The following CMSS1 variants were observed in gnomAD, a reference collection of about 807,000 sequenced individuals.
CMSS1 encodes cms1 ribosomal small subunit homolog.
CMSS1 carries 33 observed loss-of-function variants against 43.5 expected under a neutral mutation model. The ratio of observed to expected loss-of-function variants is 0.76; its 90% confidence interval spans 0.57 to 1.01. CMSS1 has a LOEUF of 1.01. CMSS1 is among the 50% of genes least tolerant of loss of function. CMSS1 has a pLI of 0.00. For missense variants in CMSS1, 313 were observed against 326.4 expected, an observed-to-expected ratio of 0.96 and a Z score of 0.32; for synonymous variants, 115 against 117.2, an observed-to-expected ratio of 0.98 and a Z score of 0.12.
intron 1 of CMSS1, among the ~76,000 whole-genome samples, chr3:100,002,784 C>T (rs1709880513): frequency 6.6e-6 from 1 of 152,174 alleles, no homozygotes; most frequent in African/African-American, 2.4e-5. Flanking sequence ...GACCAGGTGG[C>T]TTGATCTCTA....
At chr3:99,870,459 A>G (rs1453237309) in intron 1 of CMSS1, among the ~76,000 whole-genome samples, 1 of 152,180 alleles carries the variant, frequency 6.6e-6, no homozygotes, top group African/African-American at 2.4e-5. Context: ...TTGCATTACC[A>G]GTCAATTAAA....
chr3:99,871,667 C>T (rs1370413452), intron 1 of CMSS1, among the ~76,000 whole-genome samples: 2 of 152,132 alleles, frequency 1.3e-5, no homozygotes, highest in Non-Finnish European at 2.9e-5. Flanking sequence ...AGGGATCCTG[C>T]TAGCTGCGGA....
At chr3:99,881,391 A>C (rs573331760) in intron 1 of CMSS1, among the ~76,000 whole-genome samples, 21 of 152,182 alleles carry the variant, frequency 1.4e-4, no homozygotes, top group Admixed American at 1.2e-3. Flanking sequence ...GTGAAAAAAA[A>C]CCCCCAAATC....
At chr3:100,172,088 C>T (rs1346323594) in intron 7 of CMSS1, 189 bp downstream of exon 7, 10 of 631,308 alleles carry the variant, frequency 1.6e-5, no homozygotes, top group Admixed American at 2.9e-5. Flanking sequence ...GCAGTCGCTA[C>T]TGCCATGCTC....
intron 1 of CMSS1, among the ~76,000 whole-genome samples, chr3:100,021,388 A>G (rs1440605596): frequency 2.6e-5 from 4 of 152,112 alleles, no homozygotes; most frequent in Non-Finnish European, 5.9e-5. Flanking sequence ...CAGCATTTTT[A>G]TTTCAAGAAA....
intron 1 of CMSS1, among the ~76,000 whole-genome samples, chr3:99,907,038 A>T (rs1706640156): frequency 6.6e-6 from 1 of 152,228 alleles, no homozygotes; most frequent in South Asian, 2.1e-4. Context: ...TTGAATAATT[A>T]GAGTATATTT....
chr3:100,160,439 T>C lies in CMSS1; in HGVS notation c.163T>C (p.Cys55Arg), dbSNP rs894121566. Residue 55 changes from cysteine to arginine, a missense_variant, in exon 3 of 10, where the codon TGT becomes CGT. Cys to Arg is a radical substitution (Grantham distance 180, BLOSUM62 -3). Transcript: ENST00000421999. The part of the protein sequence containing the change: ...PSEKTKQPKE[C>R]FLIQPKERKE... ...TTGTATTTCTTAATAGCCTAAAGAA[T>C]GTTTTTTGATACAACCAAAGGAAAG... is the stretch of plus-strand genomic sequence containing the variant. 1.9e-5 allele frequency: 28 copies of C among 1,484,528 alleles called. No individual in the cohort carries two copies. Among genetic ancestry groups the C allele is most frequent in the Non-Finnish European group, 2.6e-5 (28 of 1,067,068 alleles). 92.0% of individuals were successfully genotyped at this position (1,484,528 alleles called of 1,614,324 possible). A position where few individuals can be genotyped will look rare whatever the true frequency, so the allele number is the denominator to read the frequency against.
intron 1 of CMSS1, among the ~76,000 whole-genome samples, chr3:99,979,413 T>C (rs1256161888): frequency 1.3e-5 from 2 of 152,000 alleles, no homozygotes; most frequent in Non-Finnish European, 2.9e-5. Flanking sequence ...AAAGATGTTA[T>C]ATCATGTCCA....
intron 2 of CMSS1, among the ~76,000 whole-genome samples, chr3:100,153,108 A>G (rs1559773662): frequency 6.6e-6 from 1 of 152,234 alleles, no homozygotes; most frequent in African/African-American, 2.4e-5. Context: ...ATTTTGACAA[A>G]TAAATACAAC....
chr3:99,983,482 A>ATG lies in CMSS1; in HGVS notation c.65-163490_65-163489insGT, dbSNP rs1709226461. 7.9e-4 allele frequency among the ~76,000 whole-genome samples: 17 copies of ATG among 21,584 alleles called. 2 individuals carry two copies. The highest frequency in any genetic ancestry group is 4.4e-3 in the East Asian group (1 of 228). The allele number at this position is 21,584 out of a possible 152,430, so 14.2% of individuals were successfully genotyped here. On this transcript the variant is annotated intron_variant, in intron 1 of 9. Coordinates refer to ENST00000421999, the MANE Select transcript of CMSS1 (RefSeq NM_032359.4). The stretch of plus-strand genomic sequence containing the variant: ...TATGTGTGTATATATATATATATAT[A>ATG]TATATATATATATATATATATATAT...
chr3:99,949,593 A>G (rs1708116688), intron 1 of CMSS1, among the ~76,000 whole-genome samples: 1 of 152,212 alleles, frequency 6.6e-6, no homozygotes, highest in Non-Finnish European at 1.5e-5. Context: ...GGGCACTAAC[A>G]TGGCTGTATT....
chr3:100,159,506 A>C (rs182143630), intron 2 of CMSS1, among the ~76,000 whole-genome samples: 3 of 152,338 alleles, frequency 2.0e-5, no homozygotes, highest in South Asian at 2.1e-4. Flanking sequence ...TTAGTAGCTT[A>C]TCAGTTTAAA....
intron 1 of CMSS1, among the ~76,000 whole-genome samples, chr3:100,059,541 A>G (rs140166778): frequency 4.6e-5 from 7 of 152,156 alleles, no homozygotes; most frequent in Admixed American, 1.3e-4. Context: ...CAAAGTTTCT[A>G]TCCTCCAAGG....
At chr3:100,165,249 C>T (rs1223369921) in intron 4 of CMSS1, among the ~76,000 whole-genome samples, 1 of 152,152 alleles carries the variant, frequency 6.6e-6, no homozygotes, top group Non-Finnish European at 1.5e-5. Flanking sequence ...TTGAATTACT[C>T]ACTTAATGAG....
chr3:99,873,451 T>A (rs566053057), intron 1 of CMSS1, among the ~76,000 whole-genome samples: 66 of 152,336 alleles, frequency 4.3e-4, no homozygotes, highest in African/African-American at 1.5e-3. Flanking sequence ...CAGTCTTTTA[T>A]AAACAGTTCT....
At chr3:99,843,823 C>T (rs1044169204) in intron 1 of CMSS1, among the ~76,000 whole-genome samples, 13 of 152,158 alleles carry the variant, frequency 8.5e-5, no homozygotes, top group Admixed American at 5.2e-4. Flanking sequence ...GCGAGCATTA[C>T]TGCCTGAGCT....
At chr3:100,068,639 T>C (rs1006566021) in intron 1 of CMSS1, among the ~76,000 whole-genome samples, 10 of 152,216 alleles carry the variant, frequency 6.6e-5, no homozygotes, top group African/African-American at 2.4e-4. Context: ...TTGTTTTTTG[T>C]ATTTTTGAGA....
At chr3:100,131,210 T>C (rs1173993649) in intron 1 of CMSS1, among the ~76,000 whole-genome samples, 2 of 152,160 alleles carry the variant, frequency 1.3e-5, no homozygotes, top group African/African-American at 4.8e-5. Context: ...AAGTAACTTT[T>C]CCAAGCTCAC....
intron 9 of CMSS1, among the ~76,000 whole-genome samples, chr3:100,176,923 C>T (rs905753847): frequency 3.9e-5 from 6 of 152,076 alleles, no homozygotes; most frequent in African/African-American, 1.4e-4. Flanking sequence ...ATTGAATGAC[C>T]GAATGCATTT....
Sources: gnomAD v4.1 joint callset for allele counts (sites outside exome capture counted in the v4.1 genomes callset) on GRCh38, gnomAD v4.1.1 for gene constraint, MANE v1.5 for transcripts, NCBI Gene and HGNC (gene_info 2026-07-23, HGNC 2026-07-21) for gene names.